Variants in BRCA1 observed in about 807,000 individuals in gnomAD.
The protein encoded by BRCA1 is BRCA1 DNA repair associated.
In BRCA1, 140 loss-of-function variants were observed where a neutral mutation model predicts 173.7. The observed-to-expected ratio is 0.81, with a 90% confidence interval of 0.70 to 0.93. BRCA1 has a LOEUF of 0.93. BRCA1 is among the 40% of genes least tolerant of loss of function. The pLI is 0.00. For synonymous variants in BRCA1, 662 were observed against 756.0 expected, an observed-to-expected ratio of 0.88 and a Z score of 2.04; for missense variants, 1,983 against 2,172.5, an observed-to-expected ratio of 0.91 and a Z score of 1.73.
At chr17:43,147,585 C>T (rs1257262473) in intron 1 of BRCA1, among the ~76,000 whole-genome samples, 1 of 152,078 alleles carries the variant, frequency 6.6e-6, no homozygotes, top group Non-Finnish European at 1.5e-5. Context: ...TGGGATTACA[C>T]GTGTAAGCCA....
chr17:43,063,209 TC>T lies in BRCA1; in HGVS notation c.5193+123del, dbSNP rs779136512. 1.2e-4 allele frequency: 99 copies of T among 828,028 alleles called. No homozygotes were observed. The highest frequency in any genetic ancestry group is 2.0e-4 in the Non-Finnish European group (96 of 490,460). The allele number at this position is 828,028 out of a possible 1,614,324, so 51.3% of individuals were successfully genotyped here. On this transcript the variant is annotated intron_variant, in intron 18 of 22. Coordinates refer to ENST00000357654, the MANE Select transcript of BRCA1 (RefSeq NM_007294.4). ...AGGCCTGCATAATTCTTGATGATCC[TC>T]ATTATCATGGAAAATTTGTGCATTG...
chr17:43,148,605 G>C, intron 1 of BRCA1: 1 of 152,400 alleles, frequency 6.6e-6, no homozygotes, highest in Admixed American at 6.6e-5. Context: ...TCACAATGGT[G>C]GAATGTCATC....
chr17:43,086,806 A>T (rs2053246474), intron 11 of BRCA1, among the ~76,000 whole-genome samples: 1 of 152,200 alleles, frequency 6.6e-6, no homozygotes, highest in Non-Finnish European at 1.5e-5. Flanking sequence ...CAAAGAGAGA[A>T]AAGGCCTCCT....
At chr17:43,070,826 G>C in intron 15 of BRCA1, 102 bp downstream of exon 15, 1 of 1,349,116 alleles carries the variant, frequency 7.4e-7, no homozygotes, top group Non-Finnish European at 1.0e-6. Flanking sequence ...TTGTTTTCTA[G>C]ATTTCTTCCT....
chr17:43,144,355 G>A, intron 1 of BRCA1: 1 of 182,320 alleles, frequency 5.5e-6, no homozygotes, highest in Non-Finnish European at 1.2e-5. Context: ...GTGCAGGTAG[G>A]CCCAGTGATC....
intron 4 of BRCA1, 63 bp downstream of exon 4, chr17:43,106,393 A>T (rs2054762963): frequency 9.0e-7 from 1 of 1,105,022 alleles, no homozygotes; most frequent in African/African-American, 1.6e-5. Flanking sequence ...TATGTTATTA[A>T]ATAATTTCTA....
At chr17:43,096,202 C>A (rs1287713852) in intron 8 of BRCA1, among the ~76,000 whole-genome samples, 1 of 151,714 alleles carries the variant, frequency 6.6e-6, no homozygotes, top group Non-Finnish European at 1.5e-5. Context: ...CATGGTGAAA[C>A]CCCATCTCTA....
chr17:43,076,414 A>G, intron 13 of BRCA1, 74 bp downstream of exon 13: 2 of 1,577,302 alleles, frequency 1.3e-6, no homozygotes, highest in South Asian at 1.1e-5. Flanking sequence ...GTATGGTGAA[A>G]AAAATTAACA....
chr17:43,068,670 T>C (rs2052256893), intron 15 of BRCA1, among the ~76,000 whole-genome samples: 1 of 152,186 alleles, frequency 6.6e-6, no homozygotes, highest in African/African-American at 2.4e-5. Context: ...ACTATAAATT[T>C]ATCAGCCTAC....
chr17:43,070,732 A>G (rs2052343376), intron 15 of BRCA1, among the ~76,000 whole-genome samples, 196 bp downstream of exon 15: 1 of 152,260 alleles, frequency 6.6e-6, no homozygotes, highest in Admixed American at 6.5e-5. Context: ...AAGTAAATAT[A>G]CATAAAATAA....
chr17:43,141,695 C>T (rs530955244), intron 1 of BRCA1, among the ~76,000 whole-genome samples: 9 of 151,426 alleles, frequency 5.9e-5, no homozygotes, highest in African/African-American at 2.2e-4. Context: ...ACCTGTAGTC[C>T]CAGCTACTTG....
chr17:43,096,376 C>CAAAAAAAAAAAAA lies in BRCA1; in HGVS notation c.594-467_594-455dup, dbSNP rs71160005. 3.4e-4 allele frequency among the ~76,000 whole-genome samples: 25 copies of CAAAAAAAAAAAAA among 74,186 alleles called. 1 individual carries two copies. Among genetic ancestry groups the CAAAAAAAAAAAAA allele is most frequent in the Admixed American group, 8.6e-4 (5 of 5,808 alleles). The allele number at this position is 74,186 out of a possible 152,430, so 48.7% of individuals were successfully genotyped here. On this transcript the variant is annotated intron_variant, in intron 8 of 22. Coordinates refer to ENST00000357654, the MANE Select transcript of BRCA1 (RefSeq NM_007294.4). The stretch of plus-strand genomic sequence containing the variant: ...TGGGCAACAGAGCAAGACTCTGTCT[C>CAAAAAAAAAAAAA]AAAAAAAAAAAAAAAAAAGAGAGAA...
intron 16 of BRCA1, among the ~76,000 whole-genome samples, chr17:43,064,938 C>T (rs1485357121): frequency 6.7e-6 from 1 of 148,242 alleles, no homozygotes; most frequent in Non-Finnish European, 1.5e-5. Flanking sequence ...TCATGCCATT[C>T]TCCTGCCTCA....
chr17:43,057,835 C>G (rs1004117124), intron 18 of BRCA1, among the ~76,000 whole-genome samples: 2 of 151,048 alleles, frequency 1.3e-5, no homozygotes, highest in African/African-American at 4.9e-5. Flanking sequence ...GACTCCGTCT[C>G]AAAACAAACA....
At chr17:43,120,652 C>T (rs1403805077) in intron 2 of BRCA1, among the ~76,000 whole-genome samples, 1 of 152,154 alleles carries the variant, frequency 6.6e-6, no homozygotes, top group African/African-American at 2.4e-5. Flanking sequence ...GTAGTCCCAG[C>T]TACTTGGGGG....
At chr17:43,146,044 C>G (rs1334457131) in intron 1 of BRCA1, among the ~76,000 whole-genome samples, 1 of 152,082 alleles carries the variant, frequency 6.6e-6, no homozygotes, top group Non-Finnish European at 1.5e-5. Context: ...TGTGGGCACT[C>G]TGTAACATCT....
rs2053479978 is a variant in BRCA1, at chr17:43,091,490, T to C, written c.4041A>G (p.Arg1347=). 6.2e-7 allele frequency: 1 copy of C among 1,613,542 alleles called. No individual in the cohort carries two copies. Among genetic ancestry groups the C allele is most frequent in the Non-Finnish European group, 8.5e-7 (1 of 1,179,612 alleles). ...DKELVSDDEE[R]GTGLEENNQE... The stretch of plus-strand genomic sequence containing the variant: ...GATTATTTTCTTCCAAGCCCGTTCC[T>C]CTTTCTTCATCATCTGAAACCAATT... The change falls in exon 10 of 23, where the codon AGA becomes AGG. Residue 1347 remains arginine, a synonymous_variant. Coordinates refer to ENST00000357654, the MANE Select transcript of BRCA1 (RefSeq NM_007294.4).
intron 3 of BRCA1, 61 bp from the exon 4 acceptor site, chr17:43,106,594 C>A: frequency 7.9e-7 from 1 of 1,268,966 alleles, no homozygotes; most frequent in Non-Finnish European, 1.1e-6. Flanking sequence ...AAAGAATACT[C>A]AAAAGGCAAA....
intron 11 of BRCA1, 92 bp downstream of exon 11, chr17:43,090,849 AGAT>A (rs1456928154): frequency 3.5e-6 from 4 of 1,157,164 alleles, no homozygotes; most frequent in African/African-American, 3.1e-5. Flanking sequence ...TAATTCAAAG[AGAT>A]GATGTCAGCA....
Sources: gnomAD v4.1 joint callset for allele counts (sites outside exome capture counted in the v4.1 genomes callset) on GRCh38, gnomAD v4.1.1 for gene constraint, MANE v1.5 for transcripts, NCBI Gene and HGNC (gene_info 2026-07-23, HGNC 2026-07-21) for gene names.